Variants in RBFOX1 observed in about 807,000 individuals in gnomAD.
RBFOX1 encodes the protein RNA binding fox-1 homolog 1, also known as RNA binding protein fox-1 homolog 1.
In RBFOX1, 8 loss-of-function variants were observed where a neutral mutation model predicts 57.7. The observed-to-expected ratio is 0.14, with a 90% CI of 0.08 to 0.25. The LOEUF is 0.25. Among genes scored for constraint, RBFOX1 ranks in the 10% least tolerant of loss-of-function variants. The pLI is 1.00. For synonymous variants in RBFOX1, 326 were observed against 222.4 expected, an observed-to-expected ratio of 1.47 and a Z score of -4.15; for missense variants, 611 against 548.5, an observed-to-expected ratio of 1.11 and a Z score of -1.14.
chr16:5,941,828 A>T (rs1290398671), intron 4 of RBFOX1, among the ~76,000 whole-genome samples: 1 of 152,050 alleles, frequency 6.6e-6, no homozygotes, highest in Admixed American at 6.6e-5. Flanking sequence ...CGAAATAGAC[A>T]AGAGAGCCAG....
chr16:6,193,425 T>TATATATA (rs1243693521), intron 1 of RBFOX1, among the ~76,000 whole-genome samples: 2 of 106,504 alleles, frequency 1.9e-5, no homozygotes, highest in African/African-American at 6.3e-5. Context: ...TATATATATA[T>TATATATA]AAAATTCAGT....
At chr16:6,555,625 G>A (rs1008269811) in intron 2 of RBFOX1, among the ~76,000 whole-genome samples, 4 of 152,058 alleles carry the variant, frequency 2.6e-5, no homozygotes, top group Non-Finnish European at 2.9e-5. Flanking sequence ...GCGTGAATCC[G>A]GGAGGCAGAG....
chr16:6,285,369 A>G (rs756641808), intron 1 of RBFOX1, among the ~76,000 whole-genome samples: 3 of 152,166 alleles, frequency 2.0e-5, no homozygotes, highest in Non-Finnish European at 2.9e-5. Context: ...GAACTGAATA[A>G]AAGGAGCCAT....
intron 3 of RBFOX1, among the ~76,000 whole-genome samples, chr16:6,855,868 C>T (rs1157800052): frequency 6.7e-5 from 5 of 74,444 alleles, no homozygotes; most frequent in South Asian, 5.2e-4. Context: ...CCTTTCTTCC[C>T]TGCTTTCTTC....
chr16:5,432,169 G>A (rs970248853), intron 1 of RBFOX1, among the ~76,000 whole-genome samples: 3 of 152,218 alleles, frequency 2.0e-5, no homozygotes, highest in South Asian at 2.1e-4. Context: ...GATTGGCACA[G>A]CGAGGTGTGG....
intron 2 of RBFOX1, among the ~76,000 whole-genome samples, chr16:6,585,976 C>A (rs2097607696): frequency 6.6e-6 from 1 of 152,082 alleles, no homozygotes; most frequent in African/African-American, 2.4e-5. Context: ...TTTAAACGTT[C>A]AAAACAGTGG....
At chr16:7,521,058 G>A (rs545652076) in intron 5 of RBFOX1, among the ~76,000 whole-genome samples, 9 of 151,268 alleles carry the variant, frequency 5.9e-5, no homozygotes, top group South Asian at 4.2e-4. Flanking sequence ...TATGGGTACC[G>A]TAGGAAAATT....
At chr16:6,823,915 C>G (rs767545654) in intron 3 of RBFOX1, among the ~76,000 whole-genome samples, 1 of 152,002 alleles carries the variant, frequency 6.6e-6, no homozygotes, top group Non-Finnish European at 1.5e-5. Context: ...TGGAGTTACA[C>G]GTAAGAAATC....
At chr16:5,253,213 A>G (rs2062499555) in intron 1 of RBFOX1, among the ~76,000 whole-genome samples, 1 of 151,596 alleles carries the variant, frequency 6.6e-6, no homozygotes, top group Non-Finnish European at 1.5e-5. Context: ...GCAATGGTGC[A>G]ATCTCGGTTC....
chr16:5,581,756 A>C (rs2046675166), intron 2 of RBFOX1, among the ~76,000 whole-genome samples: 1 of 152,170 alleles, frequency 6.6e-6, no homozygotes, highest in African/African-American at 2.4e-5. Context: ...GCAGCTCATG[A>C]CAGGGGCCAG....
chr16:5,661,877 C>CT (rs2049663609), intron 3 of RBFOX1, among the ~76,000 whole-genome samples: 1 of 150,228 alleles, frequency 6.7e-6, no homozygotes, highest in Non-Finnish European at 1.5e-5. Context: ...CCTCCACCTC[C>CT]TGGGGTCAAG....
chr16:6,870,009 G>T (rs560016095), intron 3 of RBFOX1, among the ~76,000 whole-genome samples: 1 of 152,126 alleles, frequency 6.6e-6, no homozygotes, highest in African/African-American at 2.4e-5. Flanking sequence ...CGTTGATGCT[G>T]TGAGATCTAT....
intron 4 of RBFOX1, among the ~76,000 whole-genome samples, chr16:7,463,340 C>G (rs1200594358): frequency 6.6e-6 from 1 of 152,122 alleles, no homozygotes; most frequent in Admixed American, 6.5e-5. Context: ...CACATTTCTA[C>G]TAAAAATACA....
At chr16:7,707,836 AC>A (rs2082984987) in intron 14 of RBFOX1, among the ~76,000 whole-genome samples, 1 of 152,066 alleles carries the variant, frequency 6.6e-6, no homozygotes, top group Non-Finnish European at 1.5e-5. Context: ...CCTTGCTCTG[AC>A]CTACTTGCCC....
At chr16:5,714,118 C>G (rs905741792) in intron 3 of RBFOX1, among the ~76,000 whole-genome samples, 1 of 152,202 alleles carries the variant, frequency 6.6e-6, no homozygotes, top group Non-Finnish European at 1.5e-5. Flanking sequence ...GACTATCTTG[C>G]ATTTCCACCA....
intron 4 of RBFOX1, among the ~76,000 whole-genome samples, chr16:7,095,738 T>A (rs1041037577): frequency 3.3e-5 from 5 of 152,148 alleles, no homozygotes; most frequent in Non-Finnish European, 7.4e-5. Flanking sequence ...TAAGAAAATA[T>A]GGAGCTGGGC....
chr16:7,224,670 G>C (rs981785098), intron 4 of RBFOX1, among the ~76,000 whole-genome samples: 1 of 152,158 alleles, frequency 6.6e-6, no homozygotes, highest in African/African-American at 2.4e-5. Flanking sequence ...AAAGTAGAAA[G>C]ACCAAATAAG....
chr16:7,495,220 G>C (rs1398722574), intron 4 of RBFOX1, among the ~76,000 whole-genome samples: 3 of 152,164 alleles, frequency 2.0e-5, no homozygotes, highest in Non-Finnish European at 4.4e-5. Flanking sequence ...GTCCACCGCT[G>C]ATACACACCT....
chr16:6,870,187 A>T (rs1257644439), intron 3 of RBFOX1, among the ~76,000 whole-genome samples: 2 of 152,070 alleles, frequency 1.3e-5, no homozygotes, highest in African/African-American at 4.8e-5. Flanking sequence ...TGGCCCGAAA[A>T]CCTTATTTCA....
Sources: allele counts gnomAD v4.1 joint callset (sites outside exome capture counted in the v4.1 genomes callset), GRCh38; gene constraint gnomAD v4.1.1; transcripts MANE v1.5; gene names NCBI Gene and HGNC (gene_info 2026-07-23, HGNC 2026-07-21).